PUS3: variants seen among roughly 807,000 people sequenced by gnomAD.
PUS3 encodes the protein tRNA pseudouridine(38/39) synthase.
In PUS3, 36 loss-of-function variants were observed where a neutral mutation model predicts 43.3. The observed-to-expected ratio is 0.83, with a 90% CI of 0.64 to 1.10. PUS3 has a LOEUF of 1.10. PUS3 is among the 50% of genes least tolerant of loss of function. PUS3 has a pLI of 0.00. For missense variants in PUS3, 544 were observed against 589.9 expected (o/e 0.92, Z 0.81); for synonymous variants, 183 against 199.2 (o/e 0.92, Z 0.69).
chr11:125,900,507 C>G (rs1478733111), intron 1 of PUS3: 1 of 508,162 alleles, frequency 2.0e-6, no homozygotes, highest in Non-Finnish European at 3.6e-6. Flanking sequence ...CAGACCTGGT[C>G]TTTCTATTTT....
chr11:125,899,673 A>G (rs1944702165), intron 1 of PUS3: 1 of 1,614,120 alleles, frequency 6.2e-7, no homozygotes, highest in South Asian at 1.1e-5. Flanking sequence ...CTGCGCAGAA[A>G]GCCAGATGGG....
Position 125,894,152 on chromosome 11 carries a change from T to C in PUS3, c.1079A>G (p.His360Arg). 6.2e-7 allele frequency: 1 copy of C among 1,614,180 alleles called. No individual in the cohort carries two copies. Among genetic ancestry groups the C allele is most frequent in the Non-Finnish European group, 8.5e-7 (1 of 1,180,024 alleles). Reference sequence around the variant, plus strand: ...TCCTTGTAGCATACTATACAACATGTGAGTTTTGACAGCATGATTAGCCCA... The same window carrying C: ...TCCTTGTAGCATACTATACAACATGCGAGTTTTGACAGCATGATTAGCCCA... The part of the protein sequence containing the change: ...QLWANHAVKT[H>R]MLYSMLQGLD... The change falls in exon 4 of 4, where the codon CAC becomes CGC. Residue 360 changes from histidine to arginine, a missense_variant. Physicochemically the swap from His to Arg is conservative, Grantham distance 29. Coordinates refer to ENST00000227474, the MANE Select transcript of PUS3 (RefSeq NM_031307.4).
rs55792535 is a variant in PUS3, at chr11:125,902,599, T to TAAAAAAAAAAAAAAAAAAAAAAAAAAAA, written c.-47+570_-47+571insTTTTTTTTTTTTTTTTTTTTTTTTTTTT. 1.7e-5 allele frequency among the ~76,000 whole-genome samples: 2 copies of TAAAAAAAAAAAAAAAAAAAAAAAAAAAA among 117,334 alleles called. 1 individual carries two copies. The highest frequency in any genetic ancestry group is 3.4e-5 in the Non-Finnish European group (2 of 58,918). The allele number at this position is 117,334 out of a possible 152,430, so 77.0% of individuals were successfully genotyped here. A position where few individuals can be genotyped will look rare whatever the true frequency, so the allele number is the denominator to read the frequency against. ...CTTCACTCAGCCTGGGCGACAGTCT[T>TAAAAAAAAAAAAAAAAAAAAAAAAAAAA]AAAAAAAAAAAAAAAAAAGTCCTAA... On this transcript the variant is annotated intron_variant, in intron 1 of 3. Transcript: ENST00000227474.
At chr11:125,902,571 C>A (rs1944806926) in intron 1 of PUS3, among the ~76,000 whole-genome samples, 1 of 142,312 alleles carries the variant, frequency 7.0e-6, no homozygotes, top group Non-Finnish European at 1.5e-5. Context: ...AGTGATCACG[C>A]CACTTCACTC....
At position 125,893,741 on chromosome 11, in the gene PUS3, A is replaced by G. The variant is rs762725134; in HGVS notation, c.*44T>C. ...TTTTTTTTTTTTTCCTTTTCTGTCC[A>G]CCTACCATTAGGTGGTTCCTAGATC... On this transcript the variant is annotated 3_prime_UTR_variant, in exon 4 of 4. Transcript: ENST00000227474. 12 of 1,428,392 alleles carry G rather than the reference A, an allele frequency of 8.4e-6. No individual in the cohort carries two copies. The highest frequency in any genetic ancestry group is 2.6e-5 in the Admixed American group (1 of 38,054). 88.5% of individuals were successfully genotyped at this position (1,428,392 alleles called of 1,614,324 possible).
chr11:125,895,271 A>T lies in PUS3; in HGVS notation c.897T>A (p.Ile299=). 6.2e-7 allele frequency: 1 copy of T among 1,608,780 alleles called. No homozygotes were observed. The highest frequency in any genetic ancestry group is 1.1e-5 in the South Asian group (1 of 90,062). Residue 299 remains isoleucine, a synonymous_variant, in exon 3 of 4, where the codon ATT becomes ATA. Coordinates refer to ENST00000227474, the MANE Select transcript of PUS3 (RefSeq NM_031307.4). The part of the protein sequence containing the change: ...IGQGMEKPEI[I]DELLNIEKNP... ...TTTTCTCTATATTCAGCAGCTCATCAATAATCTCTGGCTTCTCCATTCCTT... is the reference window on the plus strand; with the variant it reads ...TTTTCTCTATATTCAGCAGCTCATCTATAATCTCTGGCTTCTCCATTCCTT...
intron 1 of PUS3, chr11:125,899,242 A>G: frequency 1.3e-6 from 1 of 789,340 alleles, no homozygotes; most frequent in Non-Finnish European, 2.1e-6. Context: ...GGCCTTAGCC[A>G]TTCTTTCTCC....
At chr11:125,900,515 T>G (rs1398443383) in intron 1 of PUS3, 1 of 495,882 alleles carries the variant, frequency 2.0e-6, no homozygotes, top group Non-Finnish European at 3.7e-6. Flanking sequence ...GTCTTTCTAT[T>G]TTGTCAAATT....
chr11:125,899,259 C>A, intron 1 of PUS3: 2 of 904,060 alleles, frequency 2.2e-6, no homozygotes, highest in Admixed American at 2.3e-5. Context: ...CTCCATTTGA[C>A]TGCTATAAAA....
intron 1 of PUS3, chr11:125,900,021 A>G: frequency 6.2e-7 from 1 of 1,614,218 alleles, no homozygotes; most frequent in Non-Finnish European, 8.5e-7. Context: ...CGGTATTTTG[A>G]GTACAAACGG....
At position 125,894,085 on chromosome 11, in the gene PUS3, C is replaced by T. The variant is rs761773596; in HGVS notation, c.1146G>A (p.Met382Ile). The T allele has an allele frequency of 3.1e-6, 5 of 1,613,974 alleles. No individual in the cohort carries two copies. In the South Asian group the frequency reaches 5.5e-5, roughly 18 times the overall value. ...VPVPCGIGPK[M>I]DGMTEWGNVK... ...CATTTCCCCATTCTGTCATTCCATC[C>T]ATCTTTGGTCCTATTCCACAGGGTA... Residue 382 changes from methionine to isoleucine, a missense_variant, in exon 4 of 4, where the codon ATG becomes ATA. Transcript: ENST00000227474.
Position 125,894,064 on chromosome 11 carries a change from T to G in PUS3, c.1167A>C (p.Gly389=), listed in dbSNP as rs768484460. ...GPKMDGMTEW[G]NVKPSVIKQT... Reference sequence around the variant, plus strand: ...GCTTTATGACAGAGGGCTTAACATTTCCCCATTCTGTCATTCCATCCATCT... The same window carrying G: ...GCTTTATGACAGAGGGCTTAACATTGCCCCATTCTGTCATTCCATCCATCT... Residue 389 remains glycine, a synonymous_variant, in exon 4 of 4, where the codon GGA becomes GGC. Transcript: ENST00000227474. The G allele has an allele frequency of 3.7e-6, 6 of 1,614,146 alleles. No individual in the cohort carries two copies. In the South Asian group the frequency reaches 4.4e-5, roughly 12 times the overall value.
intron 1 of PUS3, among the ~76,000 whole-genome samples, chr11:125,898,914 T>C (rs1369592252): frequency 6.6e-6 from 1 of 152,200 alleles, no homozygotes; most frequent in East Asian, 1.9e-4. Flanking sequence ...CCTCATGTTA[T>C]TCATCTGTGA....
rs769100719 is a variant in PUS3, at chr11:125,893,853, C to G, written c.1378G>C (p.Glu460Gln). The change falls in exon 4 of 4, where the codon GAG becomes CAG. Residue 460 changes from glutamate (E) to glutamine (Q), a missense_variant. By Grantham distance (29) the Glu-to-Gln change is conservative. Coordinates refer to ENST00000227474, the MANE Select transcript of PUS3 (RefSeq NM_031307.4). The part of the protein sequence containing the change: ...KRDCNDTLEE[E>Q]NTNLETPTKR... Reference sequence around the variant, plus strand: ...GTTGGTGTCTCCAAATTAGTATTCTCTTCCTCTAGTGTGTCATTACAGTCC... The same window carrying G: ...GTTGGTGTCTCCAAATTAGTATTCTGTTCCTCTAGTGTGTCATTACAGTCC... 3.7e-6 allele frequency: 6 copies of G among 1,613,920 alleles called. No homozygotes were observed. In the African/African-American group the frequency reaches 5.3e-5, roughly 14 times the overall value.
At position 125,893,715 on chromosome 11, in the gene PUS3, A is replaced by ATTT; in HGVS notation, c.*67_*69dup. ...CTGAATTCCTAGTACTTGCAAGTAA[A>ATTT]TTTTTTTTTTTTTCCTTTTCTGTCC... On this transcript the variant is annotated 3_prime_UTR_variant, in exon 4 of 4. Transcript: ENST00000227474. 3.1e-5 allele frequency: 32 copies of ATTT among 1,041,738 alleles called. No homozygotes were observed. Among genetic ancestry groups the ATTT allele is most frequent in the Non-Finnish European group, 3.5e-5 (27 of 775,260 alleles). 64.5% of individuals were successfully genotyped at this position (1,041,738 alleles called of 1,614,324 possible). A position where few individuals can be genotyped will look rare whatever the true frequency, so the allele number is the denominator to read the frequency against.
chr11:125,901,013 A>T (rs1944757428), intron 1 of PUS3, among the ~76,000 whole-genome samples: 2 of 149,850 alleles, frequency 1.3e-5, no homozygotes, highest in South Asian at 4.2e-4. Flanking sequence ...CGTCTCAAAA[A>T]AAAAAAAAAA....
At chr11:125,899,768 A>C (rs1944705881) in intron 1 of PUS3, 1 of 1,614,238 alleles carries the variant, frequency 6.2e-7, no homozygotes, top group East Asian at 2.2e-5. Context: ...CTTAAGACAA[A>C]GGCTGATGAA....
At chr11:125,894,898 T>C (rs1223677616) in intron 3 of PUS3, among the ~76,000 whole-genome samples, 1 of 152,220 alleles carries the variant, frequency 6.6e-6, no homozygotes, top group Non-Finnish European at 1.5e-5. Context: ...CCTGCCTCTT[T>C]ACTCATGGGA....
intron 1 of PUS3, among the ~76,000 whole-genome samples, chr11:125,902,715 A>C (rs1369508039): frequency 6.6e-6 from 1 of 152,116 alleles, no homozygotes; most frequent in Non-Finnish European, 1.5e-5. Flanking sequence ...TACTGTCCAA[A>C]GGATTAGCAG....
Sources: allele counts gnomAD v4.1 joint callset (sites outside exome capture counted in the v4.1 genomes callset), GRCh38; gene constraint gnomAD v4.1.1; transcripts MANE v1.5; gene names NCBI Gene and HGNC (gene_info 2026-07-23, HGNC 2026-07-21).